MARCHF1: variants seen among roughly 807,000 people sequenced by gnomAD.
The protein encoded by MARCHF1 is E3 ubiquitin-protein ligase MARCHF1.
A neutral mutation model predicts 54.2 loss-of-function variants in MARCHF1; 40 were observed. The ratio of observed to expected loss-of-function variants is 0.74; its 90% confidence interval spans 0.57 to 0.96. The LOEUF (loss-of-function observed/expected upper bound fraction) is 0.96. Ranked by LOEUF, MARCHF1 falls within the 40% of genes least tolerant of loss-of-function variation. The probability of loss-of-function intolerance (pLI) is 0.00; values close to 1 mark genes in which losing one functional copy is unlikely to be tolerated. For missense variants in MARCHF1, 586 were observed against 656.5 expected (o/e 0.89, Z 1.17); for synonymous variants, 236 against 236.3 (o/e 1.00, Z 0.01).
chr4:163,962,799 A>T (rs953509710), intron 3 of MARCHF1, among the ~76,000 whole-genome samples: 7 of 151,918 alleles, frequency 4.6e-5, no homozygotes, highest in South Asian at 2.1e-4. Flanking sequence ...ACTTTTTTTT[A>T]AAATAAGCTT....
intron 1 of MARCHF1, among the ~76,000 whole-genome samples, chr4:164,172,643 T>C (rs1359210565): frequency 2.6e-5 from 4 of 152,210 alleles, no homozygotes; most frequent in Non-Finnish European, 4.4e-5. Flanking sequence ...TTTAAAAGAA[T>C]TATTTTTTTG....
intron 7 of MARCHF1, among the ~76,000 whole-genome samples, chr4:163,589,062 T>A (rs1740499817): frequency 7.4e-6 from 1 of 135,092 alleles, no homozygotes; most frequent in Non-Finnish European, 1.6e-5. Flanking sequence ...GAACAAAATG[T>A]CTTATTTGAA....
intron 1 of MARCHF1, among the ~76,000 whole-genome samples, chr4:164,157,138 A>G (rs1730099239): frequency 6.6e-6 from 1 of 151,964 alleles, no homozygotes; most frequent in South Asian, 2.1e-4. Flanking sequence ...GGAAAATCTT[A>G]AGAACTATAA....
intron 1 of MARCHF1, among the ~76,000 whole-genome samples, chr4:164,364,692 C>CTT (rs35911035): frequency 2.8e-5 from 4 of 144,504 alleles, no homozygotes; most frequent in Non-Finnish European, 1.5e-5. Context: ...AACAATTTTC[C>CTT]TTTTTTTTTT....
At chr4:164,341,724 C>T (rs1729937127) in intron 1 of MARCHF1, among the ~76,000 whole-genome samples, 1 of 152,140 alleles carries the variant, frequency 6.6e-6, no homozygotes, top group South Asian at 2.1e-4. Context: ...GTCCCCATGA[C>T]CTAATTAGTC....
intron 8 of MARCHF1, among the ~76,000 whole-genome samples, chr4:163,567,345 CCT>C (rs1379973896): frequency 6.6e-6 from 1 of 152,050 alleles, no homozygotes; most frequent in Admixed American, 6.6e-5. Flanking sequence ...TCATTCTCTC[CCT>C]GAGTCAATGC....
At chr4:163,705,980 A>G (rs894761535) in intron 4 of MARCHF1, among the ~76,000 whole-genome samples, 1 of 152,208 alleles carries the variant, frequency 6.6e-6, no homozygotes, top group African/African-American at 2.4e-5. Context: ...ACTTAGATAC[A>G]TGACAATTAG....
intron 8 of MARCHF1, chr4:163,584,771 C>G (rs571887407): frequency 6.6e-6 from 1 of 152,338 alleles, no homozygotes; most frequent in East Asian, 1.9e-4. Flanking sequence ...CATTTCAACT[C>G]TGCTCATTCT....
chr4:164,228,030 T>G (rs1387269823), intron 1 of MARCHF1, among the ~76,000 whole-genome samples: 1 of 152,218 alleles, frequency 6.6e-6, no homozygotes, highest in Admixed American at 6.5e-5. Context: ...AGAGGAATTA[T>G]TCAACAGATA....
At chr4:163,964,650 T>C (rs1384974617) in intron 3 of MARCHF1, among the ~76,000 whole-genome samples, 2 of 151,952 alleles carry the variant, frequency 1.3e-5, no homozygotes, top group African/African-American at 2.4e-5. Flanking sequence ...TTGTCTCCTC[T>C]GCTCTTCACT....
At chr4:163,671,032 C>T (rs1359596676) in intron 5 of MARCHF1, among the ~76,000 whole-genome samples, 2 of 152,204 alleles carry the variant, frequency 1.3e-5, no homozygotes, top group East Asian at 3.8e-4. Context: ...TTGCTTGCTG[C>T]TTCAGCCCTT....
intron 1 of MARCHF1, among the ~76,000 whole-genome samples, chr4:164,224,299 G>C (rs568181500): frequency 6.6e-6 from 1 of 151,036 alleles, no homozygotes; most frequent in Non-Finnish European, 1.5e-5. Context: ...TGTATTTTAT[G>C]TGTGACCCAA....
chr4:163,868,059 T>C (rs1750092640), intron 3 of MARCHF1, among the ~76,000 whole-genome samples: 1 of 151,914 alleles, frequency 6.6e-6, no homozygotes, highest in Admixed American at 6.6e-5. Flanking sequence ...TGCATTACTA[T>C]TAGTTGTTAA....
At chr4:164,062,489 A>G (rs1020422508) in intron 2 of MARCHF1, among the ~76,000 whole-genome samples, 2 of 152,252 alleles carry the variant, frequency 1.3e-5, no homozygotes, top group Non-Finnish European at 1.5e-5. Flanking sequence ...ATATATGGAT[A>G]CTACAACATT....
chr4:163,788,984 T>A (rs956581095), intron 4 of MARCHF1, among the ~76,000 whole-genome samples: 2 of 152,080 alleles, frequency 1.3e-5, no homozygotes, highest in South Asian at 4.1e-4. Context: ...ATTTTAGCAT[T>A]CATCGCAGAT....
At chr4:163,971,446 C>T (rs2110839404) in intron 3 of MARCHF1, among the ~76,000 whole-genome samples, 1 of 152,270 alleles carries the variant, frequency 6.6e-6, no homozygotes, top group Non-Finnish European at 1.5e-5. Context: ...TATAACTTAA[C>T]TGTAGTGTTT....
chr4:163,701,822 T>C (rs543050478), intron 4 of MARCHF1, among the ~76,000 whole-genome samples: 2 of 145,446 alleles, frequency 1.4e-5, no homozygotes, highest in African/African-American at 2.5e-5. Context: ...AATTTACCAA[T>C]GTAAGAATTC....
chr4:163,807,808 G>T (rs1458771439), intron 4 of MARCHF1, among the ~76,000 whole-genome samples: 1 of 150,556 alleles, frequency 6.6e-6, no homozygotes, highest in African/African-American at 2.4e-5. Flanking sequence ...GAAATCATAG[G>T]TTTTTTTTTG....
At chr4:164,307,527 AG>A (rs1440966309) in intron 1 of MARCHF1, among the ~76,000 whole-genome samples, 1 of 152,188 alleles carries the variant, frequency 6.6e-6, no homozygotes, top group Non-Finnish European at 1.5e-5. Flanking sequence ...GTGCTATCTC[AG>A]CTTACCTCTC....
Sources: allele counts gnomAD v4.1 joint callset (sites outside exome capture counted in the v4.1 genomes callset), GRCh38; gene constraint gnomAD v4.1.1; transcripts MANE v1.5; gene names NCBI Gene and HGNC (gene_info 2026-07-23, HGNC 2026-07-21).